The following PRKAR1A variants were observed in gnomAD, a reference collection of about 807,000 sequenced individuals.
The protein encoded by PRKAR1A is cAMP-dependent protein kinase type I-alpha regulatory subunit.
In PRKAR1A, 3 loss-of-function variants were observed where a neutral mutation model predicts 52.0. The observed-to-expected ratio is 0.06, with a 90% CI of 0.03 to 0.15. The LOEUF (loss-of-function observed/expected upper bound fraction) is 0.15, where lower values mean the gene tolerates loss of function less well. PRKAR1A is among the 10% of genes least tolerant of loss of function. The pLI, the probability that PRKAR1A is intolerant of heterozygous loss-of-function variation, is 1.00. For synonymous variants in PRKAR1A, 188 were observed against 168.4 expected, an observed-to-expected ratio of 1.12 and a Z score of -0.90; for missense variants, 240 against 477.4, an observed-to-expected ratio of 0.50 and a Z score of 4.63.
intron 11 of PRKAR1A, among the ~76,000 whole-genome samples, chr17:68,546,452 A>G (rs999010540): frequency 1.3e-5 from 2 of 152,036 alleles, no homozygotes; most frequent in Non-Finnish European, 2.9e-5. Flanking sequence ...ACTCCTTTCC[A>G]GAAAGTTTTC....
At chr17:68,523,024 G>T in intron 3 of PRKAR1A, 98 bp downstream of exon 3, 3 of 1,436,958 alleles carry the variant, frequency 2.1e-6, no homozygotes, top group Non-Finnish European at 2.9e-6. Flanking sequence ...ACAAAACAGG[G>T]TGGAACTTCA....
In PRKAR1A at chr17:68,530,875, A is replaced by C. The variant is rs549969908; in HGVS notation, c.*426A>C. 20 of 1,142,278 alleles carry C rather than the reference A, an allele frequency of 1.8e-5. No homozygotes were observed. Among genetic ancestry groups the C allele is most frequent in the Non-Finnish European group, 2.2e-5 (20 of 924,820 alleles). 70.8% of individuals were successfully genotyped at this position (1,142,278 alleles called of 1,614,324 possible). On this transcript the variant is annotated 3_prime_UTR_variant, in exon 11 of 11. Transcript: ENST00000589228. ...CATATATGCTGTATTTCTTTGTAGAATAAATGGTTTCTCATTAAACTCTAA... is the reference window on the plus strand; with the variant it reads ...CATATATGCTGTATTTCTTTGTAGACTAAATGGTTTCTCATTAAACTCTAA...
At chr17:68,490,904 G>A in the PRKAR1A span, among the ~76,000 whole-genome samples, 137 of 152,116 alleles carry the variant, frequency 9.0e-4, no homozygotes, top group African/African-American at 3.0e-3. Flanking sequence ...AGGTTCTAGA[G>A]TGAACTGTCT....
downstream of PRKAR1A, chr17:68,535,067 A>G (rs1442634388): frequency 1.7e-5 from 6 of 358,946 alleles, no homozygotes; most frequent in South Asian, 1.3e-4. Context: ...CCATCAGTAC[A>G]GTTCCCGTTC....
chr17:68,420,552 C>T, the PRKAR1A span: 14 of 1,427,366 alleles, frequency 9.8e-6, no homozygotes, highest in South Asian at 3.8e-5. Flanking sequence ...TACAAACACA[C>T]GCTTTAGTTT....
the PRKAR1A span, among the ~76,000 whole-genome samples, chr17:68,482,315 C>T: frequency 9.0e-4 from 137 of 152,278 alleles, no homozygotes; most frequent in Middle Eastern, 6.8e-3. Context: ...AAAAACCTTA[C>T]GAAGATGTTA....
chr17:68,503,253 G>A, the PRKAR1A span, among the ~76,000 whole-genome samples: 1 of 152,216 alleles, frequency 6.6e-6, no homozygotes, highest in East Asian at 1.9e-4. Context: ...CTCATTCATT[G>A]CTGGTGGGAA....
intron 11 of PRKAR1A, among the ~76,000 whole-genome samples, chr17:68,548,120 T>C (rs7211007): frequency 0.2 from 29,925 of 152,034 alleles, 3,109 homozygotes; most frequent in African/African-American, 0.26. Flanking sequence ...TTAGGCCAGG[T>C]GCAGTGGCTC....
At chr17:68,505,865 T>C in the PRKAR1A span, among the ~76,000 whole-genome samples, 2 of 152,284 alleles carry the variant, frequency 1.3e-5, no homozygotes, top group Non-Finnish European at 2.9e-5. Context: ...ATAACAAATG[T>C]ACCACACGAA....
the PRKAR1A span, chr17:68,424,557 A>T: frequency 2.9e-4 from 154 of 526,004 alleles, no homozygotes; most frequent in Non-Finnish European, 5.2e-4. Flanking sequence ...TGGCTCTAGG[A>T]GCTGATGCTC....
intron 7 of PRKAR1A, among the ~76,000 whole-genome samples, chr17:68,526,709 T>G (rs1279603379): frequency 6.6e-6 from 1 of 152,106 alleles, no homozygotes; most frequent in Non-Finnish European, 1.5e-5. Flanking sequence ...AGTTGGGAGC[T>G]AAGCAATGAG....
chr17:68,523,433 C>T (rs2143284070), intron 3 of PRKAR1A, among the ~76,000 whole-genome samples: 1 of 152,254 alleles, frequency 6.6e-6, no homozygotes, highest in East Asian at 1.9e-4. Flanking sequence ...TTAGTTTTGC[C>T]TCAGAATAAT....
the PRKAR1A span, among the ~76,000 whole-genome samples, chr17:68,442,134 G>A: frequency 5.4e-3 from 824 of 152,192 alleles, 28 homozygotes; most frequent in East Asian, 0.096. Flanking sequence ...TGAGTTTTCT[G>A]AACTACAGAA....
At chr17:68,508,140 C>T (rs1290649909), upstream of PRKAR1A, among the ~76,000 whole-genome samples, 2 of 152,134 alleles carry the variant, frequency 1.3e-5, no homozygotes, top group African/African-American at 4.8e-5. Flanking sequence ...ATCAACTCTT[C>T]CTTGGGTCTA....
the PRKAR1A span, among the ~76,000 whole-genome samples, chr17:68,416,559 G>A: frequency 1.3e-5 from 2 of 152,096 alleles, no homozygotes; most frequent in Non-Finnish European, 2.9e-5. Flanking sequence ...CCCCAAATAT[G>A]TTTTCCAAAC....
chr17:68,533,128 TTAATA>T lies in PRKAR1A; in HGVS notation c.*2682_*2686del. 2.8e-6 allele frequency: 3 copies of T among 1,061,560 alleles called. No homozygotes were observed. The highest frequency in any genetic ancestry group is 3.4e-6 in the Non-Finnish European group (3 of 876,112). The allele number at this position is 1,061,560 out of a possible 1,614,324, so 65.8% of individuals were successfully genotyped here. The stretch of plus-strand genomic sequence containing the variant: ...GATTAGCATACTCTTTGGTTTAAAT[TTAATA>T]TATACATTTAATGTTACTTAGGGAT... On this transcript the variant is annotated 3_prime_UTR_variant, in exon 11 of 11. Coordinates refer to ENST00000589228, the MANE Select transcript of PRKAR1A (RefSeq NM_002734.5).
chr17:68,513,930 T>C (rs2085349734), intron 1 of PRKAR1A, among the ~76,000 whole-genome samples: 2 of 152,344 alleles, frequency 1.3e-5, no homozygotes, highest in Admixed American at 1.3e-4. Flanking sequence ...AAAGATCTGA[T>C]TTATGATTGT....
chr17:68,494,338 G>A, the PRKAR1A span, among the ~76,000 whole-genome samples: 1,382 of 152,102 alleles, frequency 9.1e-3, 29 homozygotes, highest in African/African-American at 0.031. Context: ...TCAGGAGTTC[G>A]AGACCAGCCT....
At chr17:68,487,363 A>G in the PRKAR1A span, among the ~76,000 whole-genome samples, 6 of 152,218 alleles carry the variant, frequency 3.9e-5, no homozygotes, top group Non-Finnish European at 5.9e-5. Flanking sequence ...AATGAAGGCT[A>G]CCAAGTTAAT....
Sources: allele counts gnomAD v4.1 joint callset (sites outside exome capture counted in the v4.1 genomes callset), GRCh38; gene constraint gnomAD v4.1.1; transcripts MANE v1.5; gene names NCBI Gene and HGNC (gene_info 2026-07-23, HGNC 2026-07-21).